Variants in TSG101 observed in about 807,000 individuals in gnomAD.
TSG101 encodes the protein tumor susceptibility gene 101 protein.
In TSG101, 19 loss-of-function variants were observed where a neutral mutation model predicts 48.5. The observed-to-expected ratio is 0.39, with a 90% CI of 0.27 to 0.58. The LOEUF (loss-of-function observed/expected upper bound fraction) is 0.58. Ranked by LOEUF, TSG101 falls within the 20% of genes least tolerant of loss-of-function variation. The probability of loss-of-function intolerance (pLI) is 0.55; values close to 1 mark genes in which losing one functional copy is unlikely to be tolerated. For missense variants in TSG101, 365 were observed against 484.4 expected (o/e 0.75, Z 2.31); for synonymous variants, 174 against 169.4 (o/e 1.03, Z -0.21).
chr11:18,499,082 GA>G (rs2133915068), intron 7 of TSG101, among the ~76,000 whole-genome samples: 1 of 150,874 alleles, frequency 6.6e-6, no homozygotes, highest in East Asian at 1.9e-4. Flanking sequence ...GAAAAACGGA[GA>G]AGAGGTACTG....
rs771039043 is a variant in TSG101, at chr11:18,484,052, T to C, written c.661A>G (p.Ile221Val). The C allele has an allele frequency of 4.3e-6, 7 of 1,614,146 alleles. No individual in the cohort carries two copies. Among genetic ancestry groups the C allele is most frequent in the African/African-American group, 2.7e-5 (2 of 75,022 alleles). ...GAGGCTCGGATGGTGTCCTCGCTGA[T>C]TGTGCCATCCCTACTGGGACCTGCA... is the stretch of plus-strand genomic sequence containing the variant. ...TTVGPSRDGTISEDTIRASLI... is the reference protein window; with the variant it reads ...TTVGPSRDGTVSEDTIRASLI... Residue 221 changes from isoleucine to valine, a missense_variant, in exon 8 of 10, where the codon ATC (isoleucine) becomes GTC (valine). Ile to Val is a conservative substitution (Grantham distance 29). Transcript: ENST00000251968.
At chr11:18,506,966 C>A in intron 5 of TSG101, 43 bp from the exon 6 acceptor site, 2 of 1,513,624 alleles carry the variant, frequency 1.3e-6, no homozygotes, top group Non-Finnish European at 1.8e-6. Context: ...ATATACAAGG[C>A]CTGAATATGT....
At chr11:18,485,773 G>A (rs1408265595) in intron 7 of TSG101, among the ~76,000 whole-genome samples, 1 of 152,192 alleles carries the variant, frequency 6.6e-6, no homozygotes, top group Non-Finnish European at 1.5e-5. Flanking sequence ...CATTAATAGA[G>A]TAAAATATTT....
chr11:18,511,026 G>T (rs1850072524), intron 4 of TSG101: 1 of 152,178 alleles, frequency 6.6e-6, no homozygotes. Flanking sequence ...TGGCTTATTT[G>T]ATTATTCTTC....
At chr11:18,509,912 T>C (rs1471197536) in intron 4 of TSG101, among the ~76,000 whole-genome samples, 2 of 152,208 alleles carry the variant, frequency 1.3e-5, no homozygotes, top group Non-Finnish European at 2.9e-5. Flanking sequence ...GCAAAATTCA[T>C]AGAGTTTTGT....
At position 18,481,657 on chromosome 11, in the gene TSG101, G is replaced by A. The variant is rs759799363; in HGVS notation, c.1056C>T (p.Gly352=). 87 of 1,613,890 alleles carry A rather than the reference G, an allele frequency of 5.4e-5. No individual in the cohort carries two copies. Among genetic ancestry groups the A allele is most frequent in the South Asian group, 3.8e-4 (35 of 91,070 alleles). ...TCAGGAAGACATCCAGGTCTATCAC[G>A]CCCCTTCTCAAGGCTTCTCCCAAGT... ...IFYLGEALRR[G]VIDLDVFLKH... is the part of the protein sequence containing the mutation. The change falls in exon 9 of 10, where the codon GGC becomes GGT. Residue 352 remains glycine, a synonymous_variant. Coordinates refer to ENST00000251968, the MANE Select transcript of TSG101 (RefSeq NM_006292.4).
intron 7 of TSG101, among the ~76,000 whole-genome samples, chr11:18,496,116 AT>A (rs1485642768): frequency 6.6e-6 from 1 of 152,130 alleles, no homozygotes; most frequent in Non-Finnish European, 1.5e-5. Context: ...ATATACTAAT[AT>A]TTTTGAACAT....
At chr11:18,498,221 C>A (rs1406749959) in intron 7 of TSG101, among the ~76,000 whole-genome samples, 1 of 152,124 alleles carries the variant, frequency 6.6e-6, no homozygotes, top group Non-Finnish European at 1.5e-5. Flanking sequence ...GGGAAGAGGG[C>A]AGGATCATGT....
At chr11:18,520,525 C>T (rs901253492) in intron 1 of TSG101, among the ~76,000 whole-genome samples, 14 of 152,190 alleles carry the variant, frequency 9.2e-5, no homozygotes, top group Non-Finnish European at 1.8e-4. Context: ...CCACTTCTTA[C>T]TGAACATTTT....
At chr11:18,499,404 T>TATATATATA (rs1372786271) in intron 7 of TSG101, among the ~76,000 whole-genome samples, 4 of 5,122 alleles carry the variant, frequency 7.8e-4, no homozygotes, top group Non-Finnish European at 1.3e-3. Context: ...ATATATATAT[T>TATATATATA]TTTTTTTTTT....
rs1161516733 is a variant in TSG101, at chr11:18,526,929, G to A, written c.-113C>T. On this transcript the variant is annotated 5_prime_UTR_variant, in exon 1 of 10. Transcript: ENST00000251968. ...CCAACCCGGCCTCAAACAACAGGAA[G>A]TCGGCACCACTACACCACTTCCGCT... The A allele has an allele frequency of 5.8e-6, 7 of 1,202,770 alleles. No individual in the cohort carries two copies. The highest frequency in any genetic ancestry group is 1.5e-5 in the African/African-American group (1 of 66,260). The allele number at this position is 1,202,770 out of a possible 1,614,324, so 74.5% of individuals were successfully genotyped here.
intron 7 of TSG101, among the ~76,000 whole-genome samples, chr11:18,489,113 C>CAA (rs201368614): frequency 3.2e-5 from 4 of 125,328 alleles, no homozygotes; most frequent in East Asian, 2.2e-4. Context: ...GACTCCATCT[C>CAA]AAAAAAAAAA....
At chr11:18,508,437 C>G (rs1850013560) in intron 5 of TSG101, 1 of 151,878 alleles carries the variant, frequency 6.6e-6, no homozygotes, top group Non-Finnish European at 1.5e-5. Flanking sequence ...TCAGGTGATC[C>G]ACCCCCACCT....
chr11:18,503,670 C>A (rs1050647616), intron 6 of TSG101, among the ~76,000 whole-genome samples: 1 of 152,148 alleles, frequency 6.6e-6, no homozygotes, highest in Non-Finnish European at 1.5e-5. Context: ...CCGCACCCAG[C>A]CCTAACTATT....
At chr11:18,520,160 A>G (rs529258298) in intron 1 of TSG101, among the ~76,000 whole-genome samples, 1 of 152,292 alleles carries the variant, frequency 6.6e-6, no homozygotes, top group Admixed American at 6.5e-5. Context: ...ATCTTTCATG[A>G]CTAAATTATT....
intron 7 of TSG101, among the ~76,000 whole-genome samples, chr11:18,488,985 C>T (rs892818897): frequency 2.6e-5 from 4 of 151,652 alleles, no homozygotes; most frequent in African/African-American, 7.3e-5. Context: ...CGTGGTGGTG[C>T]GTGCCTGTAG....
Position 18,484,193 on chromosome 11 carries a change from A to T in TSG101, c.641-121T>A, listed in dbSNP as rs922336419. The T allele has an allele frequency of 5.6e-6, 5 of 899,922 alleles. No homozygotes were observed. The African/African-American group carries it at 8.4e-5, about 15-fold the overall frequency. 55.7% of individuals were successfully genotyped at this position (899,922 alleles called of 1,614,324 possible). A position where few individuals can be genotyped will look rare whatever the true frequency, so the allele number is the denominator to read the frequency against. On this transcript the variant is annotated intron_variant, in intron 7 of 9. Transcript: ENST00000251968. Reference sequence around the variant, plus strand: ...CACTTTCAAAATGTGAGGAAAGAAAAAAATTATGTTACCAGTTTCATGAGA... The same window carrying T: ...CACTTTCAAAATGTGAGGAAAGAAATAAATTATGTTACCAGTTTCATGAGA...
intron 6 of TSG101, among the ~76,000 whole-genome samples, chr11:18,505,438 T>C (rs1024119453): frequency 4.6e-5 from 7 of 151,668 alleles, no homozygotes; most frequent in African/African-American, 1.7e-4. Context: ...ATTTTTTTTG[T>C]AGAAATGAGG....
At chr11:18,510,619 G>A (rs925723325) in intron 4 of TSG101, among the ~76,000 whole-genome samples, 3 of 152,102 alleles carry the variant, frequency 2.0e-5, no homozygotes, top group African/African-American at 7.2e-5. Flanking sequence ...TGTAATCCCA[G>A]CACTTTGGGA....
Sources: allele counts gnomAD v4.1 joint callset (sites outside exome capture counted in the v4.1 genomes callset), GRCh38; gene constraint gnomAD v4.1.1; transcripts MANE v1.5; gene names NCBI Gene and HGNC (gene_info 2026-07-23, HGNC 2026-07-21).